The following AKAP13 variants were observed in gnomAD, a reference collection of about 807,000 sequenced individuals.
AKAP13 encodes the protein A-kinase anchor protein 13.
Under a neutral mutation model 264.5 loss-of-function variants are expected in AKAP13, and 80 were observed. The ratio of observed to expected loss-of-function variants is 0.30; its 90% confidence interval spans 0.25 to 0.36. AKAP13 has a LOEUF of 0.36. Ranked by LOEUF, AKAP13 falls within the 10% of genes least tolerant of loss-of-function variation. The pLI is 1.00. For missense variants in AKAP13, 3,712 were observed against 3,435.2 expected (o/e 1.08, Z -2.01); for synonymous variants, 1,380 against 1,250.2 (o/e 1.10, Z -2.19).
chr15:85,538,239 T>G (rs1030128000), intron 4 of AKAP13, among the ~76,000 whole-genome samples: 3 of 152,264 alleles, frequency 2.0e-5, no homozygotes, highest in Admixed American at 1.3e-4. Flanking sequence ...TGGGGGAATC[T>G]TCATTCTTAT....
At chr15:85,725,199 C>T (rs1169370562) in intron 26 of AKAP13, among the ~76,000 whole-genome samples, 1 of 152,174 alleles carries the variant, frequency 6.6e-6, no homozygotes, top group Non-Finnish European at 1.5e-5. Flanking sequence ...CCTAGAATGC[C>T]TCCTGTAGAG....
chr15:85,626,705 G>A (rs2081426527), intron 8 of AKAP13, among the ~76,000 whole-genome samples: 1 of 152,136 alleles, frequency 6.6e-6, no homozygotes, highest in Non-Finnish European at 1.5e-5. Flanking sequence ...TATGAGCATT[G>A]GTATACAAAT....
intron 1 of AKAP13, among the ~76,000 whole-genome samples, chr15:85,449,660 T>C (rs1166747076): frequency 6.6e-6 from 1 of 152,236 alleles, no homozygotes; most frequent in Non-Finnish European, 1.5e-5. Context: ...AAAAGCCTTT[T>C]CTGTATCTAT....
Position 85,740,395 on chromosome 15 carries a change from A to G in AKAP13, c.7608+123A>G. 3 of 1,079,404 alleles carry G rather than the reference A, an allele frequency of 2.8e-6. 1 individual carries two copies. The highest frequency in any genetic ancestry group is 2.8e-5 in the South Asian group (2 of 70,316). The allele number at this position is 1,079,404 out of a possible 1,614,324, so 66.9% of individuals were successfully genotyped here. ...AATGGATAAATGGGGCCCTCAGTCT[A>G]GGGAAGACTGGCTCTCGTGGTGAGA... is the stretch of plus-strand genomic sequence containing the variant. On this transcript the variant is annotated intron_variant, in intron 34 of 36. Transcript: ENST00000394518.
chr15:85,481,363 T>C (rs1263577802), intron 1 of AKAP13, among the ~76,000 whole-genome samples: 1 of 152,162 alleles, frequency 6.6e-6, no homozygotes, highest in Non-Finnish European at 1.5e-5. Flanking sequence ...AGGAAGAGAA[T>C]TGTAGCAGCA....
At chr15:85,604,498 C>T (rs1484016228) in intron 8 of AKAP13, among the ~76,000 whole-genome samples, 2 of 150,894 alleles carry the variant, frequency 1.3e-5, no homozygotes, top group Admixed American at 6.6e-5. Context: ...GAGCCTCGCT[C>T]TGTTGCTCAG....
chr15:85,503,178 A>T (rs1436561805), intron 2 of AKAP13, among the ~76,000 whole-genome samples: 2 of 152,232 alleles, frequency 1.3e-5, no homozygotes, highest in Non-Finnish European at 2.9e-5. Flanking sequence ...CTCCTGGCAC[A>T]TAGTAAGCAT....
At chr15:85,578,809 A>G (rs2151305379) in intron 6 of AKAP13, 121 bp from the exon 7 acceptor site, 1 of 869,996 alleles carries the variant, frequency 1.1e-6, no homozygotes, top group Non-Finnish European at 1.8e-6. Context: ...TTCGCTTATC[A>G]TGTGACCTTA....
chr15:85,439,173 A>G (rs2073493671), intron 1 of AKAP13, among the ~76,000 whole-genome samples: 1 of 152,024 alleles, frequency 6.6e-6, no homozygotes, highest in Non-Finnish European at 1.5e-5. Flanking sequence ...ATGAACAGAC[A>G]CTTCTCAAAA....
rs61734378 is a variant in AKAP13, at chr15:85,743,556, C to T, written c.8123C>T (p.Pro2708Leu). The change falls in exon 36 of 37, where the codon CCC becomes CTC. Residue 2708 changes from proline (P) to leucine (L), a missense_variant. Physicochemically the swap from Pro to Leu is moderately conservative, Grantham distance 98. Transcript: ENST00000394518. ...PSFFPSPEEP[P>L]SPSAPSIAKS... ...TTCTTCCCCAGTCCTGAGGAGCCCC[C>T]CTCGCCATCTGCACCTTCCATAGCC... is the stretch of plus-strand genomic sequence containing the variant. 0.049 allele frequency: 79,576 copies of T among 1,614,142 alleles called. 2,805 individuals are homozygous for T. Among genetic ancestry groups the T allele is most frequent in the Admixed American group, 0.19 (11,106 of 60,010 alleles).
Position 85,741,271 on chromosome 15 carries a change from C to T in AKAP13, c.7834C>T (p.Leu2612=), listed in dbSNP as rs779487413. ...TGAGTGGGAAGCTCGTGAGAGGGAG[C>T]TGCGGGAGCGGGAGGCCCTCCTGGC... ...EREWEARERE[L]REREALLAQR... is the part of the protein sequence containing the mutation. Residue 2612 remains leucine (L), a synonymous_variant, in exon 35 of 37, where the codon CTG becomes TTG. Coordinates refer to ENST00000394518, the MANE Select transcript of AKAP13 (RefSeq NM_007200.5). 1.9e-6 allele frequency: 3 copies of T among 1,609,882 alleles called. No individual in the cohort carries two copies. Among genetic ancestry groups the T allele is most frequent in the Admixed American group, 3.4e-5 (2 of 59,332 alleles).
intron 20 of AKAP13, among the ~76,000 whole-genome samples, chr15:85,716,182 A>C (rs2086925396): frequency 6.6e-6 from 1 of 152,116 alleles, no homozygotes; most frequent in African/African-American, 2.4e-5. Context: ...ACTTTTGAAG[A>C]ATCTGAGTTC....
At position 85,507,383 on chromosome 15, in the gene AKAP13, C is replaced by CAAAAA. The variant is rs35886054; in HGVS notation, c.34-14035_34-14031dup. ...TTGTCTATGGCTCCTTTTGTGCTAC[C>CAAAAA]AAAAAAAAAAAAAACATAAGAAACG... On this transcript the variant is annotated intron_variant, in intron 2 of 36. Transcript: ENST00000394518. 8.7e-5 allele frequency among the ~76,000 whole-genome samples: 12 copies of CAAAAA among 137,694 alleles called. 2 individuals carry two copies. The highest frequency in any genetic ancestry group is 1.1e-4 in the Non-Finnish European group (7 of 64,122). 90.3% of individuals were successfully genotyped at this position (137,694 alleles called of 152,430 possible).
At chr15:85,415,352 T>C (rs1320307406) in intron 1 of AKAP13, 42 of 1,580,656 alleles carry the variant, frequency 2.7e-5, no homozygotes, top group Non-Finnish European at 3.7e-5. Context: ...CCAAGCCAGA[T>C]TGTATCATCA....
At chr15:85,714,205 A>T (rs1264202415) in intron 19 of AKAP13, among the ~76,000 whole-genome samples, 1 of 152,254 alleles carries the variant, frequency 6.6e-6, no homozygotes, top group African/African-American at 2.4e-5. Flanking sequence ...TTTAAAAATC[A>T]TAAGGAAGAG....
At chr15:85,601,183 T>G (rs1462459371) in intron 8 of AKAP13, among the ~76,000 whole-genome samples, 6 of 152,106 alleles carry the variant, frequency 3.9e-5, no homozygotes, top group Non-Finnish European at 8.8e-5. Flanking sequence ...TTAAAAAGAG[T>G]TACTCATGTC....
intron 19 of AKAP13, among the ~76,000 whole-genome samples, chr15:85,714,966 C>G (rs1446745238): frequency 6.9e-6 from 1 of 145,976 alleles, no homozygotes; most frequent in Admixed American, 6.8e-5. Flanking sequence ...GACTGCATTT[C>G]AAAAAAAAAA....
chr15:85,432,824 A>G (rs985291023), intron 1 of AKAP13, among the ~76,000 whole-genome samples: 1 of 152,090 alleles, frequency 6.6e-6, no homozygotes, highest in Non-Finnish European at 1.5e-5. Flanking sequence ...TACTTTGTTT[A>G]CTTTGGTTGA....
At position 85,730,516 on chromosome 15, in the gene AKAP13, A is replaced by G. The variant is rs2151750545; in HGVS notation, c.7091A>G (p.Gln2364Arg). 1 of 1,613,632 alleles carries G rather than the reference A, an allele frequency of 6.2e-7. No individual in the cohort carries two copies. Among genetic ancestry groups the G allele is most frequent in the Non-Finnish European group, 8.5e-7 (1 of 1,179,630 alleles). ...GATCATTTTCTCCTTCCTGCAGAAC[A>G]ACTTCACCAGAAGGACCAAAAAATC... ...LDTRARELKEQLHQKDQKILL... is the reference protein window; with the variant it reads ...LDTRARELKERLHQKDQKILL... The change falls in exon 30 of 37, where the codon CAA (glutamine) becomes CGA (arginine). Residue 2364 changes from glutamine (Q) to arginine (R), a missense_variant. Transcript: ENST00000394518.
Sources: allele counts gnomAD v4.1 joint callset (sites outside exome capture counted in the v4.1 genomes callset), GRCh38; gene constraint gnomAD v4.1.1; transcripts MANE v1.5; gene names NCBI Gene and HGNC (gene_info 2026-07-23, HGNC 2026-07-21).